Variants in RBM26 observed in about 807,000 individuals in gnomAD.
The protein encoded by RBM26 is RNA binding motif protein 26.
Under a neutral mutation model 123.6 loss-of-function variants are expected in RBM26, and 30 were observed. The ratio of observed to expected loss-of-function variants is 0.24; its 90% CI spans 0.18 to 0.33. The LOEUF (loss-of-function observed/expected upper bound fraction) is 0.33. Among genes scored for constraint, RBM26 ranks in the 10% least tolerant of loss-of-function variants. RBM26 has a pLI of 1.00. For missense variants in RBM26, 947 were observed against 1,203.6 expected (o/e 0.79, Z 3.15); for synonymous variants, 400 against 404.4 (o/e 0.99, Z 0.13).
chr13:79,392,763 T>C (rs949437948), intron 1 of RBM26, among the ~76,000 whole-genome samples: 1 of 149,854 alleles, frequency 6.7e-6, no homozygotes, highest in Non-Finnish European at 1.5e-5. Context: ...AACTGTAGTA[T>C]TTTTTAAAAC....
chr13:79,373,192 TAAAATATATA>T (rs1285909620), intron 3 of RBM26, among the ~76,000 whole-genome samples: 10 of 109,480 alleles, frequency 9.1e-5, no homozygotes, highest in Admixed American at 4.8e-4. Context: ...TATAAATATA[TAAAATATATA>T]AAAATATATA....
At chr13:79,392,129 A>G (rs6563105) in intron 1 of RBM26, among the ~76,000 whole-genome samples, 9,207 of 52,838 alleles carry the variant, frequency 0.17, 1,520 homozygotes, top group African/African-American at 0.36. Flanking sequence ...ATAATTATAT[A>G]TTATACAATA....
intron 9 of RBM26, among the ~76,000 whole-genome samples, chr13:79,362,847 A>C (rs2074860372): frequency 6.6e-6 from 1 of 152,168 alleles, no homozygotes; most frequent in Admixed American, 6.6e-5. Flanking sequence ...ATTGATATAT[A>C]TTTAAAAGAA....
intron 1 of RBM26, among the ~76,000 whole-genome samples, chr13:79,404,538 A>G (rs549188641): frequency 6.6e-6 from 1 of 152,202 alleles, no homozygotes; most frequent in African/African-American, 2.4e-5. Flanking sequence ...TACTTGTCCA[A>G]CTTGTTGCCT....
At chr13:79,356,389 C>CAAA (rs2074014608) in intron 11 of RBM26, among the ~76,000 whole-genome samples, 1 of 101,914 alleles carries the variant, frequency 9.8e-6, no homozygotes, top group Non-Finnish European at 2.0e-5. Flanking sequence ...AAAAAACAAA[C>CAAA]AAAAAAAAAC....
chr13:79,353,957 A>G lies in RBM26; in HGVS notation c.1986+482T>C, dbSNP rs987261624. ...GGAATAAGTGATGCAAAGTTATGAG[A>G]GAGCAGTCTAAGTACTTAAAACAGT... On this transcript the variant is annotated intron_variant, in intron 13 of 21. Coordinates refer to ENST00000438737, the MANE Select transcript of RBM26 (RefSeq NM_001366735.2). 2.6e-5 allele frequency among the ~76,000 whole-genome samples: 4 copies of G among 152,230 alleles called. No homozygotes were observed. The East Asian group carries it at 7.7e-4, about 29-fold the overall frequency.
At chr13:79,352,470 A>C (rs550989922) in intron 14 of RBM26, among the ~76,000 whole-genome samples, 52 of 151,428 alleles carry the variant, frequency 3.4e-4, no homozygotes, top group Admixed American at 1.7e-3. Flanking sequence ...CCTAAACAAA[A>C]AAAAAAAATA....
chr13:79,364,504 G>T (rs1399991449), intron 9 of RBM26, among the ~76,000 whole-genome samples: 1 of 152,136 alleles, frequency 6.6e-6, no homozygotes, highest in Non-Finnish European at 1.5e-5. Flanking sequence ...ACTTAATTGA[G>T]GTGGTTAGGG....
intron 1 of RBM26, among the ~76,000 whole-genome samples, chr13:79,392,453 GTAT>G (rs948982887): frequency 1.4e-5 from 2 of 145,162 alleles, no homozygotes; most frequent in Non-Finnish European, 3.0e-5. Flanking sequence ...AATTATGTAA[GTAT>G]TATGTACTAT....
intron 17 of RBM26, among the ~76,000 whole-genome samples, chr13:79,342,422 G>A (rs142964411): frequency 1.6e-4 from 24 of 151,876 alleles, no homozygotes; most frequent in African/African-American, 4.8e-4. Context: ...GTCCTCAAGC[G>A]GCCTTTTCAA....
At chr13:79,317,318 A>C (rs1363979318), downstream of RBM26, among the ~76,000 whole-genome samples, 1 of 151,732 alleles carries the variant, frequency 6.6e-6, no homozygotes, top group East Asian at 1.9e-4. Flanking sequence ...AACAGGGAGA[A>C]CTGGCTTAGA....
chr13:79,375,523 T>C (rs1361527763), intron 3 of RBM26, among the ~76,000 whole-genome samples: 1 of 152,078 alleles, frequency 6.6e-6, no homozygotes, highest in African/African-American at 2.4e-5. Context: ...GTTCCACCAG[T>C]AGGCAAAACT....
chr13:79,403,028 C>T (rs1013572593), intron 1 of RBM26, among the ~76,000 whole-genome samples: 4 of 152,058 alleles, frequency 2.6e-5, no homozygotes, highest in African/African-American at 9.7e-5. Flanking sequence ...TTACAGCTTA[C>T]CCTTGGTCCT....
chr13:79,373,675 T>A (rs1379944822), intron 3 of RBM26, among the ~76,000 whole-genome samples: 1 of 83,092 alleles, frequency 1.2e-5, no homozygotes, highest in Admixed American at 1.7e-4. Context: ...TATTATATAT[T>A]ACTATATATA....
At chr13:79,353,393 A>T (rs890079946) in intron 13 of RBM26, among the ~76,000 whole-genome samples, 169 bp from the exon 14 acceptor site, 23 of 152,222 alleles carry the variant, frequency 1.5e-4, no homozygotes, top group Non-Finnish European at 3.1e-4. Flanking sequence ...TATGTGGGAA[A>T]ACAAAAATAA....
At chr13:79,350,080 G>C (rs945122438) in intron 14 of RBM26, among the ~76,000 whole-genome samples, 6 of 151,700 alleles carry the variant, frequency 4.0e-5, no homozygotes, top group Admixed American at 3.3e-4. Flanking sequence ...GATTTGCTTA[G>C]CATCTACACA....
At position 79,388,870 on chromosome 13, in the gene RBM26, C is replaced by A. The variant is rs537612447; in HGVS notation, c.72-9963G>T. ...GAAACGTCACAATGACAATTTCTTA[C>A]AAAATATGTCCAAAAAAGATCACAA... On this transcript the variant is annotated intron_variant, in intron 1 of 21. Coordinates refer to ENST00000438737, the MANE Select transcript of RBM26 (RefSeq NM_001366735.2). Among the ~76,000 whole-genome samples the A allele has an allele frequency of 2.3e-4, 34 of 150,952 alleles. 1 individual carries two copies. The highest frequency in any genetic ancestry group is 4.0e-4 in the Admixed American group (6 of 15,114).
At chr13:79,374,274 G>C (rs1222219367) in intron 3 of RBM26, among the ~76,000 whole-genome samples, 1 of 152,074 alleles carries the variant, frequency 6.6e-6, no homozygotes, top group Non-Finnish European at 1.5e-5. Flanking sequence ...TTTAAGACCA[G>C]CCTGGCCAAC....
intron 14 of RBM26, among the ~76,000 whole-genome samples, chr13:79,348,282 A>G (rs747134044): frequency 1.3e-5 from 2 of 152,086 alleles, no homozygotes; most frequent in Non-Finnish European, 2.9e-5. Context: ...GAAAAGTATC[A>G]TGTGCTGTGT....
Sources: allele counts gnomAD v4.1 joint callset (sites outside exome capture counted in the v4.1 genomes callset), GRCh38; gene constraint gnomAD v4.1.1; transcripts MANE v1.5; gene names NCBI Gene and HGNC (gene_info 2026-07-23, HGNC 2026-07-21).